Variants in SLC39A8 observed in about 807,000 individuals in gnomAD.
The protein encoded by SLC39A8 is metal cation symporter ZIP8.
Under a neutral mutation model 40.4 loss-of-function variants are expected in SLC39A8, and 15 were observed. That is an observed-to-expected ratio of 0.37 (90% CI 0.25 to 0.57). The LOEUF (loss-of-function observed/expected upper bound fraction) is 0.57, where lower values mean the gene tolerates loss of function less well. SLC39A8 is among the 20% of genes least tolerant of loss of function. The pLI is 0.75. For synonymous variants in SLC39A8, 223 were observed against 221.6 expected, an observed-to-expected ratio of 1.01 and a Z score of -0.06; for missense variants, 472 against 558.8, an observed-to-expected ratio of 0.84 and a Z score of 1.57.
intron 6 of SLC39A8, chr4:102,269,935 C>A (rs1168585347): frequency 1.3e-5 from 2 of 152,124 alleles, no homozygotes; most frequent in Non-Finnish European, 2.9e-5. Context: ...AATAAACAAT[C>A]ATAATTTAGC....
At chr4:102,339,304 A>G (rs1218493997) in intron 2 of SLC39A8, among the ~76,000 whole-genome samples, 3 of 150,918 alleles carry the variant, frequency 2.0e-5, no homozygotes, top group African/African-American at 4.9e-5. Flanking sequence ...TACCCCCACC[A>G]TTTCTCAGCA....
At chr4:102,289,363 C>T (rs1393600065) in intron 6 of SLC39A8, among the ~76,000 whole-genome samples, 2 of 152,066 alleles carry the variant, frequency 1.3e-5, no homozygotes, top group African/African-American at 4.8e-5. Context: ...AGAGCTCTTA[C>T]GGGGATGTAC....
intron 2 of SLC39A8, among the ~76,000 whole-genome samples, chr4:102,322,731 A>C (rs1735016241): frequency 6.6e-6 from 1 of 152,166 alleles, no homozygotes; most frequent in Non-Finnish European, 1.5e-5. Flanking sequence ...CAATAGATTG[A>C]GATTCTGTGG....
chr4:102,327,716 C>T (rs1036340625), intron 2 of SLC39A8, among the ~76,000 whole-genome samples: 1 of 152,106 alleles, frequency 6.6e-6, no homozygotes, highest in Non-Finnish European at 1.5e-5. Flanking sequence ...CTAATAAGTC[C>T]TTGGACACAT....
At chr4:102,318,516 A>G (rs921319321) in intron 2 of SLC39A8, among the ~76,000 whole-genome samples, 1 of 152,196 alleles carries the variant, frequency 6.6e-6, no homozygotes, top group Non-Finnish European at 1.5e-5. Flanking sequence ...GATATTTATT[A>G]TACTTTGACT....
At chr4:102,306,022 G>A (rs1734156731) in intron 4 of SLC39A8, among the ~76,000 whole-genome samples, 1 of 151,854 alleles carries the variant, frequency 6.6e-6, no homozygotes, top group African/African-American at 2.4e-5. Context: ...AATGCAAAAT[G>A]GCTATATAAA....
At chr4:102,258,716 G>A (rs1731770380), downstream of SLC39A8, among the ~76,000 whole-genome samples, 1 of 152,186 alleles carries the variant, frequency 6.6e-6, no homozygotes, top group Admixed American at 6.5e-5. Flanking sequence ...AATGCTGTCT[G>A]TCTGACAGAT....
intron 3 of SLC39A8, among the ~76,000 whole-genome samples, chr4:102,312,022 C>T (rs1175878275): frequency 6.6e-6 from 1 of 152,084 alleles, no homozygotes; most frequent in African/African-American, 2.4e-5. Flanking sequence ...TCTTCTTCCT[C>T]TGTGCCAGGC....
intron 11 of SLC39A8, among the ~76,000 whole-genome samples, chr4:102,254,333 A>G (rs1731662248): frequency 6.6e-6 from 1 of 152,214 alleles, no homozygotes; most frequent in Admixed American, 6.5e-5. Context: ...GCCTAGCATC[A>G]GTAGACATTG....
chr4:102,266,839 C>G (rs1732122363), intron 8 of SLC39A8, among the ~76,000 whole-genome samples: 1 of 152,150 alleles, frequency 6.6e-6, no homozygotes, highest in South Asian at 2.1e-4. Flanking sequence ...ATCTCTTGAC[C>G]TTGTGATCCG....
downstream of SLC39A8, among the ~76,000 whole-genome samples, chr4:102,257,415 G>A (rs968497933): frequency 7.2e-5 from 11 of 152,150 alleles, no homozygotes; most frequent in African/African-American, 2.2e-4. Flanking sequence ...TTGGAAATAA[G>A]GAAAACAAGC....
chr4:102,289,188 G>A (rs900772095), intron 6 of SLC39A8, among the ~76,000 whole-genome samples: 1 of 152,122 alleles, frequency 6.6e-6, no homozygotes. Flanking sequence ...AATTTACTCT[G>A]TCTGTGCTCT....
At chr4:102,267,850 C>A in intron 7 of SLC39A8, 22 bp downstream of exon 7, 1 of 1,611,322 alleles carries the variant, frequency 6.2e-7, no homozygotes, top group Admixed American at 1.7e-5. Context: ...CAGACTTTTA[C>A]AATATGAACA....
chr4:102,338,391 T>A (rs1035521220), intron 2 of SLC39A8, among the ~76,000 whole-genome samples: 2 of 152,130 alleles, frequency 1.3e-5, no homozygotes, highest in Admixed American at 1.3e-4. Flanking sequence ...TTTCACCATG[T>A]TAACCAGGAT....
At chr4:102,335,823 A>C (rs2149054231) in intron 2 of SLC39A8, among the ~76,000 whole-genome samples, 1 of 152,322 alleles carries the variant, frequency 6.6e-6, no homozygotes, top group Admixed American at 6.5e-5. Context: ...ATGGAAACCA[A>C]GACTGAAATC....
chr4:102,308,385 C>T (rs1214654189), intron 3 of SLC39A8, among the ~76,000 whole-genome samples: 1 of 151,970 alleles, frequency 6.6e-6, no homozygotes, highest in Non-Finnish European at 1.5e-5. Flanking sequence ...GGCCTGGCAC[C>T]CAGTAGGCAC....
chr4:102,277,125 G>T (rs892518590), intron 6 of SLC39A8, among the ~76,000 whole-genome samples: 1 of 152,102 alleles, frequency 6.6e-6, no homozygotes, highest in Non-Finnish European at 1.5e-5. Context: ...CATAGTATTG[G>T]AAGTTCTGGC....
chr4:102,286,190 T>C (rs1312111641), intron 6 of SLC39A8, among the ~76,000 whole-genome samples: 2 of 152,188 alleles, frequency 1.3e-5, no homozygotes, highest in African/African-American at 4.8e-5. Flanking sequence ...GGTTTGCCAC[T>C]GGGCTTTCCA....
At chr4:102,266,010 A>AGCT (rs1732080286) in intron 8 of SLC39A8, among the ~76,000 whole-genome samples, 1 of 152,210 alleles carries the variant, frequency 6.6e-6, no homozygotes, top group African/African-American at 2.4e-5. Flanking sequence ...CACTTTTGCT[A>AGCT]GCTAATCCTA....
Sources: allele counts gnomAD v4.1 joint callset (sites outside exome capture counted in the v4.1 genomes callset), GRCh38; gene constraint gnomAD v4.1.1; transcripts MANE v1.5; gene names NCBI Gene and HGNC (gene_info 2026-07-23, HGNC 2026-07-21).